Variants in POU6F2 observed in about 807,000 individuals in gnomAD.
POU6F2 encodes the protein POU class 6 homeobox 2, also known as POU domain, class 6, transcription factor 2.
POU6F2 carries 31 observed loss-of-function variants against 71.3 expected under a neutral mutation model. That is an observed-to-expected ratio of 0.43 (90% CI 0.33 to 0.59). The LOEUF is 0.59. Ranked by LOEUF, POU6F2 falls within the 20% of genes least tolerant of loss-of-function variation. The probability of loss-of-function intolerance (pLI) is 0.04; values close to 1 mark genes in which losing one functional copy is unlikely to be tolerated. For missense variants in POU6F2, 783 were observed against 856.8 expected, an observed-to-expected ratio of 0.91 and a Z score of 1.07; for synonymous variants, 347 against 355.7, an observed-to-expected ratio of 0.98 and a Z score of 0.27.
At chr7:39,447,915 C>A (rs1235581423) in intron 7 of POU6F2, among the ~76,000 whole-genome samples, 2 of 152,082 alleles carry the variant, frequency 1.3e-5, no homozygotes, top group African/African-American at 4.8e-5. Context: ...ATAATTAAAT[C>A]AAATTAAGTA....
At chr7:39,097,011 A>C (rs1487122212) in intron 2 of POU6F2, among the ~76,000 whole-genome samples, 1 of 152,210 alleles carries the variant, frequency 6.6e-6, no homozygotes, top group East Asian at 1.9e-4. Flanking sequence ...TATCTTTAAT[A>C]TATAGATAAA....
At chr7:39,120,809 C>A (rs1215870140) in intron 2 of POU6F2, 1 of 152,032 alleles carries the variant, frequency 6.6e-6, no homozygotes, top group African/African-American at 2.4e-5. Flanking sequence ...TACTAGAAAC[C>A]CTGTCCTTTA....
At chr7:39,060,663 G>A (rs188972536) in intron 1 of POU6F2, among the ~76,000 whole-genome samples, 4 of 152,272 alleles carry the variant, frequency 2.6e-5, no homozygotes, top group South Asian at 4.1e-4. Flanking sequence ...GTAGCTAGAC[G>A]CAGAAAGTAG....
chr7:39,118,871 C>T (rs1791984964), intron 2 of POU6F2, among the ~76,000 whole-genome samples: 2 of 152,070 alleles, frequency 1.3e-5, no homozygotes, highest in Non-Finnish European at 2.9e-5. Context: ...TTTTCAGAAA[C>T]AACAAAAGGG....
chr7:39,331,508 T>TTTG (rs551729092), intron 4 of POU6F2, among the ~76,000 whole-genome samples: 2 of 152,052 alleles, frequency 1.3e-5, no homozygotes, highest in Non-Finnish European at 2.9e-5. Context: ...TTTGTTTTGT[T>TTTG]TTGTTGTTGT....
At chr7:39,124,079 C>T (rs2091323) in intron 2 of POU6F2, among the ~76,000 whole-genome samples, 56,264 of 136,284 alleles carry the variant, frequency 0.41, 11,580 homozygotes, top group African/African-American at 0.52. Context: ...CAGAGTCTTG[C>T]TCTGTCACCC....
At chr7:39,040,412 C>T (rs911058912) in intron 1 of POU6F2, among the ~76,000 whole-genome samples, 1 of 150,908 alleles carries the variant, frequency 6.6e-6, no homozygotes, top group Non-Finnish European at 1.5e-5. Flanking sequence ...TGTGATCTTA[C>T]CTTTAGCCAG....
At chr7:39,221,646 C>T (rs1045306729) in intron 4 of POU6F2, among the ~76,000 whole-genome samples, 1 of 152,052 alleles carries the variant, frequency 6.6e-6, no homozygotes, top group African/African-American at 2.4e-5. Context: ...CTCGGCCTTC[C>T]AAAGTGCTGG....
At chr7:39,232,979 T>A (rs1794602778) in intron 4 of POU6F2, among the ~76,000 whole-genome samples, 2 of 152,254 alleles carry the variant, frequency 1.3e-5, no homozygotes, top group Admixed American at 1.3e-4. Context: ...GCTTTTAAGC[T>A]TATTGTCAAC....
At chr7:39,015,965 G>A (rs1562670998) in intron 1 of POU6F2, among the ~76,000 whole-genome samples, 1 of 80,964 alleles carries the variant, frequency 1.2e-5, no homozygotes, top group Non-Finnish European at 2.1e-5. Flanking sequence ...ATTGTATATT[G>A]ATATATATTA....
intron 4 of POU6F2, among the ~76,000 whole-genome samples, chr7:39,295,989 T>G (rs1784838053): frequency 6.6e-6 from 1 of 152,224 alleles, no homozygotes; most frequent in Non-Finnish European, 1.5e-5. Flanking sequence ...TTATCAGACC[T>G]TTGCACCCTA....
At chr7:39,428,383 C>T (rs568874534) in intron 6 of POU6F2, among the ~76,000 whole-genome samples, 1 of 152,204 alleles carries the variant, frequency 6.6e-6, no homozygotes, top group Admixed American at 6.5e-5. Context: ...ATTATTATTA[C>T]AATTACTGGT....
chr7:39,306,764 A>G lies in POU6F2; in HGVS notation c.599-32878A>G, dbSNP rs77867037. 2.8e-3 allele frequency among the ~76,000 whole-genome samples: 421 copies of G among 152,356 alleles called. 4 individuals carry two copies. In the East Asian group the frequency reaches 0.046, roughly 17 times the overall value. Reference sequence around the variant, plus strand: ...TCCAAATAAAAGATATGCTATTTGCATACGCTTTCAGCATGTCTGGAGCAT... The same window carrying G: ...TCCAAATAAAAGATATGCTATTTGCGTACGCTTTCAGCATGTCTGGAGCAT... On this transcript the variant is annotated intron_variant, in intron 4 of 9. Transcript: ENST00000518318.
chr7:39,429,006 C>T (rs1788034261), intron 6 of POU6F2, among the ~76,000 whole-genome samples: 1 of 150,456 alleles, frequency 6.6e-6, no homozygotes, highest in Admixed American at 6.6e-5. Flanking sequence ...GGAGATATAC[C>T]TAATGTAAAT....
At position 39,292,604 on chromosome 7, in the gene POU6F2, C is replaced by T. The variant is rs376643361; in HGVS notation, c.599-47038C>T. ...CATTGTTTTTATATATAATTTGATG[C>T]GGTTTGTCTCAAGACACTAAAACTG... On this transcript the variant is annotated intron_variant, in intron 4 of 9. Transcript: ENST00000518318. 1.1e-4 allele frequency among the ~76,000 whole-genome samples: 17 copies of T among 152,204 alleles called. No individual in the cohort carries two copies. In the South Asian group the frequency reaches 1.5e-3, roughly 13 times the overall value.
chr7:38,984,349 T>C (rs1435896842), intron 1 of POU6F2: 4 of 152,160 alleles, frequency 2.6e-5, no homozygotes, highest in African/African-American at 9.7e-5. Context: ...AGAGTCAGTT[T>C]GATGAGTAAT....
chr7:39,016,768 G>T (rs1359117318), intron 1 of POU6F2, among the ~76,000 whole-genome samples: 1 of 152,116 alleles, frequency 6.6e-6, no homozygotes. Context: ...AGGTCAAGAC[G>T]GCGTTAAGCG....
intron 2 of POU6F2, among the ~76,000 whole-genome samples, chr7:39,189,151 T>G (rs1793605628): frequency 6.6e-6 from 1 of 152,044 alleles, no homozygotes; most frequent in Non-Finnish European, 1.5e-5. Context: ...TGAGCACAAT[T>G]TCATAGAATA....
chr7:39,012,573 G>C (rs560723715), intron 1 of POU6F2, among the ~76,000 whole-genome samples: 1,592 of 152,068 alleles, frequency 0.01, 8 homozygotes, highest in Non-Finnish European at 0.017. Context: ...GTGAGGAACT[G>C]TGTTCCTTTA....
Sources: gnomAD v4.1 joint callset for allele counts (sites outside exome capture counted in the v4.1 genomes callset) on GRCh38, gnomAD v4.1.1 for gene constraint, MANE v1.5 for transcripts, NCBI Gene and HGNC (gene_info 2026-07-23, HGNC 2026-07-21) for gene names.